CLVS1: variants seen among roughly 807,000 people sequenced by gnomAD.
The protein encoded by CLVS1 is clavesin-1.
In CLVS1, 10 loss-of-function variants were observed where a neutral mutation model predicts 33.1. That is an observed-to-expected ratio of 0.30 (90% confidence interval 0.19 to 0.51). CLVS1 has a LOEUF of 0.51. Among genes scored for constraint, CLVS1 ranks in the 20% least tolerant of loss-of-function variants. The pLI is 0.97. For synonymous variants in CLVS1, 163 were observed against 166.1 expected (o/e 0.98, Z 0.14); for missense variants, 343 against 433.4 (o/e 0.79, Z 1.85).
At chr8:61,129,125 A>ACACC (rs1346464113) in intron 1 of CLVS1, among the ~76,000 whole-genome samples, 6 of 152,250 alleles carry the variant, frequency 3.9e-5, no homozygotes, top group African/African-American at 1.2e-4. Context: ...GTTGCAAGGT[A>ACACC]CACCACAGTC....
At chr8:61,442,928 T>G (rs962145263) in intron 3 of CLVS1, among the ~76,000 whole-genome samples, 2 of 152,226 alleles carry the variant, frequency 1.3e-5, no homozygotes, top group African/African-American at 4.8e-5. Context: ...TAAGCCATTC[T>G]GATGGATTTG....
chr8:61,402,923 T>C (rs375704422), intron 3 of CLVS1, among the ~76,000 whole-genome samples: 14 of 152,154 alleles, frequency 9.2e-5, no homozygotes, highest in African/African-American at 3.4e-4. Flanking sequence ...AAAAACAATG[T>C]AGTTTGAGTG....
At position 61,159,042 on chromosome 8, in the gene CLVS1, C is replaced by CT. The variant is rs200077054; in HGVS notation, c.-152+27191dup. 6.2e-3 allele frequency among the ~76,000 whole-genome samples: 936 copies of CT among 151,398 alleles called. 12 individuals carry two copies. Among genetic ancestry groups the CT allele is most frequent in the African/African-American group, 0.021 (860 of 41,302 alleles). ...AGCCACCATGCTATAATTAAAAACA[C>CT]TTTTTTTTTGGTAGAGATGGGGGTG... is the stretch of plus-strand genomic sequence containing the variant. On this transcript the variant is annotated intron_variant, in intron 2 of 2. Transcript: ENST00000522621.
intron 1 of CLVS1, among the ~76,000 whole-genome samples, chr8:61,113,816 G>A (rs1585619328): frequency 1.3e-5 from 2 of 152,258 alleles, no homozygotes; most frequent in East Asian, 3.9e-4. Context: ...TTTTTTTGTA[G>A]AGACGGGGTG....
At chr8:60,974,778 CAAAA>C in the CLVS1 span, among the ~76,000 whole-genome samples, 1 of 104,970 alleles carries the variant, frequency 9.5e-6, no homozygotes, top group Non-Finnish European at 2.0e-5. Flanking sequence ...GACTCCATCT[CAAAA>C]AAAAAAAAAA....
intron 2 of CLVS1, among the ~76,000 whole-genome samples, chr8:61,330,923 C>CAAA (rs60789347): frequency 2.4e-5 from 3 of 124,686 alleles, no homozygotes; most frequent in African/African-American, 8.8e-5. Context: ...AGCCCCATTT[C>CAAA]AAAAAAAAAA....
At chr8:61,286,572 T>C (rs1809785802), upstream of CLVS1, among the ~76,000 whole-genome samples, 1 of 152,232 alleles carries the variant, frequency 6.6e-6, no homozygotes, top group South Asian at 2.1e-4. Context: ...TTGTAAGTGC[T>C]TGGGAAGCAG....
At chr8:61,128,269 C>T (rs963342229) in intron 1 of CLVS1, among the ~76,000 whole-genome samples, 2 of 152,200 alleles carry the variant, frequency 1.3e-5, no homozygotes, top group Non-Finnish European at 2.9e-5. Flanking sequence ...GAAGTCCCTG[C>T]AGCAAGGAGG....
At chr8:61,014,125 G>A in the CLVS1 span, among the ~76,000 whole-genome samples, 1 of 149,202 alleles carries the variant, frequency 6.7e-6, no homozygotes, top group Non-Finnish European at 1.5e-5. Context: ...AAGGTGGCGT[G>A]GTCTCTTAGT....
the CLVS1 span, among the ~76,000 whole-genome samples, chr8:61,031,263 G>A: frequency 3.9e-5 from 6 of 152,310 alleles, no homozygotes; most frequent in African/African-American, 1.4e-4. Context: ...ACACACACCT[G>A]CTCTGCCACC....
intron 3 of CLVS1, among the ~76,000 whole-genome samples, chr8:61,393,456 C>T (rs1814388902): frequency 6.6e-6 from 1 of 152,072 alleles, no homozygotes. Context: ...CTAGTGTGGT[C>T]TTTTGGTAGT....
chr8:61,182,093 T>C (rs1807250145), intron 2 of CLVS1, among the ~76,000 whole-genome samples: 1 of 152,186 alleles, frequency 6.6e-6, no homozygotes. Flanking sequence ...TGATTCCCTT[T>C]TTAATAAATA....
intron 1 of CLVS1, among the ~76,000 whole-genome samples, chr8:61,080,840 G>A (rs61181541): frequency 6.6e-6 from 1 of 152,202 alleles, no homozygotes; most frequent in African/African-American, 2.4e-5. Context: ...TCACAAAGGA[G>A]AGAGGAAGTG....
chr8:61,110,490 G>T (rs1305739111), intron 1 of CLVS1, among the ~76,000 whole-genome samples: 1 of 151,940 alleles, frequency 6.6e-6, no homozygotes, highest in Non-Finnish European at 1.5e-5. Context: ...ACATTGTGAA[G>T]ATCTTTTAAA....
In CLVS1 at chr8:61,499,661, C is replaced by T. The variant is rs2129609074; in HGVS notation, c.*119C>T. 2 of 647,672 alleles carry T rather than the reference C, an allele frequency of 3.1e-6. No homozygotes were observed. Among genetic ancestry groups the T allele is most frequent in the East Asian group, 2.8e-5 (1 of 35,882 alleles). The allele number at this position is 647,672 out of a possible 1,614,324, so 40.1% of individuals were successfully genotyped here. On this transcript the variant is annotated 3_prime_UTR_variant, in exon 6 of 6. Coordinates refer to ENST00000325897, the MANE Select transcript of CLVS1 (RefSeq NM_173519.3). ...GTTCTGCTTGACACAAGGTCCTCCA[C>T]TCCTGAACCCCTGCAGTGACTGTCA...
At chr8:61,419,815 C>A (rs1815585349) in intron 3 of CLVS1, among the ~76,000 whole-genome samples, 1 of 152,218 alleles carries the variant, frequency 6.6e-6, no homozygotes, top group African/African-American at 2.4e-5. Context: ...TTAAACTTAA[C>A]TGCATATCTG....
At chr8:61,005,220 A>G in the CLVS1 span, among the ~76,000 whole-genome samples, 124 of 152,346 alleles carry the variant, frequency 8.1e-4, no homozygotes, top group African/African-American at 2.8e-3. Context: ...CCCAAACTCC[A>G]TCCTTCCAAG....
At chr8:61,123,954 A>G (rs1378961231) in intron 1 of CLVS1, among the ~76,000 whole-genome samples, 1 of 152,244 alleles carries the variant, frequency 6.6e-6, no homozygotes, top group Non-Finnish European at 1.5e-5. Flanking sequence ...GAAGCAAGAC[A>G]GGACTTCAGT....
At chr8:60,982,566 G>C in the CLVS1 span, among the ~76,000 whole-genome samples, 1 of 152,148 alleles carries the variant, frequency 6.6e-6, no homozygotes, top group South Asian at 2.1e-4. Context: ...TCAGGATCTT[G>C]GTGGTGAGTG....
Sources: allele counts gnomAD v4.1 joint callset (sites outside exome capture counted in the v4.1 genomes callset), GRCh38; gene constraint gnomAD v4.1.1; transcripts MANE v1.5; gene names NCBI Gene and HGNC (gene_info 2026-07-23, HGNC 2026-07-21).